The following GAPVD1 variants were observed in gnomAD, a reference collection of about 807,000 sequenced individuals.
The protein encoded by GAPVD1 is GTPase activating protein and VPS9 domains 1, also known as GTPase-activating protein and VPS9 domain-containing protein 1.
A neutral mutation model predicts 155.5 loss-of-function variants in GAPVD1; 35 were observed. The observed-to-expected ratio is 0.23, with a 90% CI of 0.17 to 0.30. The LOEUF (loss-of-function observed/expected upper bound fraction) is 0.30. Among genes scored for constraint, GAPVD1 ranks in the 10% least tolerant of loss-of-function variants. The pLI is 1.00. For synonymous variants in GAPVD1, 636 were observed against 619.7 expected (o/e 1.03, Z -0.39); for missense variants, 1,429 against 1,775.7 (o/e 0.80, Z 3.51).
At chr9:125,326,755 A>G (rs565617578) in intron 12 of GAPVD1, among the ~76,000 whole-genome samples, 166 bp downstream of exon 12, 4 of 151,916 alleles carry the variant, frequency 2.6e-5, no homozygotes, top group African/African-American at 9.7e-5. Flanking sequence ...TTTTTTCTTT[A>G]CTTAAATATA....
Position 125,262,632 on chromosome 9 carries a change from CT to C in GAPVD1, c.-199+674del, listed in dbSNP as rs201973468. 4.1e-3 allele frequency among the ~76,000 whole-genome samples: 618 copies of C among 152,230 alleles called. 29 individuals are homozygous for C. In the East Asian group the frequency reaches 0.096, roughly 24 times the overall value. Reference sequence around the variant, plus strand: ...ACATAGTGATAGGTTCAGATGAGAACTAGGTCAAAGGAGGAATCAGTGTTTT... The same window carrying C: ...ACATAGTGATAGGTTCAGATGAGAACAGGTCAAAGGAGGAATCAGTGTTTT... On this transcript the variant is annotated intron_variant, in intron 1 of 27. Transcript: ENST00000297933.
At chr9:125,300,206 G>T (rs1840655041) in intron 4 of GAPVD1, among the ~76,000 whole-genome samples, 1 of 142,668 alleles carries the variant, frequency 7.0e-6, no homozygotes, top group African/African-American at 2.6e-5. Context: ...TTTTGAGTTG[G>T]AGTCTCGCTC....
At chr9:125,332,670 TC>T (rs761871123) in intron 15 of GAPVD1, 41 bp downstream of exon 15, 71 of 1,575,682 alleles carry the variant, frequency 4.5e-5, no homozygotes, top group Non-Finnish European at 5.1e-5. Flanking sequence ...AATGACCACA[TC>T]CGTGGTTGAA....
chr9:125,279,502 C>A (rs919104323), intron 2 of GAPVD1, among the ~76,000 whole-genome samples: 1 of 145,822 alleles, frequency 6.9e-6, no homozygotes, highest in South Asian at 2.2e-4. Flanking sequence ...ACCCAGGAGG[C>A]GGAGGTTGCA....
intron 5 of GAPVD1, among the ~76,000 whole-genome samples, chr9:125,303,593 A>G (rs1172579242): frequency 6.6e-6 from 1 of 151,938 alleles, no homozygotes; most frequent in Non-Finnish European, 1.5e-5. Context: ...CCTGACCAAC[A>G]TGGAGAAACC....
At chr9:125,323,629 G>C (rs918703183) in intron 10 of GAPVD1, among the ~76,000 whole-genome samples, 169 bp from the exon 11 acceptor site, 1 of 152,050 alleles carries the variant, frequency 6.6e-6, no homozygotes, top group African/African-American at 2.4e-5. Context: ...TAGCACCTTA[G>C]GATAAATTCC....
At chr9:125,343,213 C>CTGAA in intron 19 of GAPVD1, among the ~76,000 whole-genome samples, 1 of 149,218 alleles carries the variant, frequency 6.7e-6, no homozygotes, top group East Asian at 2.0e-4. Flanking sequence ...TTTTTTTAAG[C>CTGAA]TCATCAGCTA....
chr9:125,348,956 A>C (rs1306056782), intron 20 of GAPVD1, among the ~76,000 whole-genome samples: 2 of 152,220 alleles, frequency 1.3e-5, no homozygotes, highest in African/African-American at 2.4e-5. Flanking sequence ...ACCCATAGTC[A>C]ACCTTGGCCA....
At chr9:125,321,342 G>A in intron 9 of GAPVD1, 91 bp from the exon 10 acceptor site, 2 of 842,228 alleles carry the variant, frequency 2.4e-6, no homozygotes, top group Non-Finnish European at 3.8e-6. Context: ...GATAATTTAA[G>A]ATTAAGGAGT....
chr9:125,332,069 G>A lies in GAPVD1; in HGVS notation c.2308+9G>A. 1 of 1,613,804 alleles carries A rather than the reference G, an allele frequency of 6.2e-7. No individual in the cohort carries two copies. The highest frequency in any genetic ancestry group is 1.1e-5 in the South Asian group (1 of 91,038). ...CCTCAGTGTTGTGTCCGGTATGTCTGTCTTGTTTTAAGGAGTAGGGATTTG... is the reference window on the plus strand; with the variant it reads ...CCTCAGTGTTGTGTCCGGTATGTCTATCTTGTTTTAAGGAGTAGGGATTTG... On this transcript the variant is annotated intron_variant, in intron 14 of 27. Coordinates refer to ENST00000297933, the MANE Select transcript of GAPVD1 (RefSeq NM_001282680.3).
At position 125,329,387 on chromosome 9, in the gene GAPVD1, A is replaced by G. The variant is rs183575658; in HGVS notation, c.2033-691A>G. On this transcript the variant is annotated intron_variant, in intron 12 of 27. Transcript: ENST00000297933. ...CAGTGTTTTTAATCTTTGTAGGGCTATAAATTTTAGAACGATATTAAGGAC... is the reference window on the plus strand; with the variant it reads ...CAGTGTTTTTAATCTTTGTAGGGCTGTAAATTTTAGAACGATATTAAGGAC... 2.6e-3 allele frequency among the ~76,000 whole-genome samples: 399 copies of G among 152,336 alleles called. 3 individuals carry two copies. The highest frequency in any genetic ancestry group is 5.2e-3 in the Admixed American group (79 of 15,296).
At chr9:125,361,195 C>T (rs768989271) in intron 27 of GAPVD1, among the ~76,000 whole-genome samples, 2 of 151,934 alleles carry the variant, frequency 1.3e-5, no homozygotes, top group South Asian at 2.1e-4. Context: ...TTAGGATTTT[C>T]GAAAGAAAGG....
chr9:125,272,614 T>C (rs570292507), intron 2 of GAPVD1, among the ~76,000 whole-genome samples: 6 of 152,240 alleles, frequency 3.9e-5, no homozygotes, highest in Non-Finnish European at 8.8e-5. Flanking sequence ...TTTGAAATTA[T>C]GAATTCCATA....
At chr9:125,313,326 CAG>C (rs1337965206) in intron 9 of GAPVD1, among the ~76,000 whole-genome samples, 2 of 138,878 alleles carry the variant, frequency 1.4e-5, no homozygotes, top group African/African-American at 2.7e-5. Flanking sequence ...TTTTTTGAGA[CAG>C]AGTCTCACTC....
At chr9:125,266,603 G>A (rs1319297224) in intron 1 of GAPVD1, among the ~76,000 whole-genome samples, 1 of 151,988 alleles carries the variant, frequency 6.6e-6, no homozygotes, top group African/African-American at 2.4e-5. Context: ...GTGAGCCACC[G>A]CGCGCAGCCC....
At chr9:125,291,988 T>C (rs1838679289) in intron 2 of GAPVD1, among the ~76,000 whole-genome samples, 1 of 152,246 alleles carries the variant, frequency 6.6e-6, no homozygotes, top group African/African-American at 2.4e-5. Context: ...ACACCTGTTA[T>C]CCCAGCACTT....
Position 125,323,754 on chromosome 9 carries a change from T to C in GAPVD1, c.1733-44T>C, listed in dbSNP as rs76944979. On this transcript the variant is annotated intron_variant, in intron 10 of 27. Coordinates refer to ENST00000297933, the MANE Select transcript of GAPVD1 (RefSeq NM_001282680.3). ...GCATGAAAAATTGTGTGGTGGCTCA[T>C]GACTGTTTTAAAAAGATTGCTCACA... 13,745 of 1,606,674 alleles carry C rather than the reference T, an allele frequency of 8.6e-3. 688 individuals carry two copies. The Admixed American group carries it at 0.11, about 13-fold the overall frequency.
At position 125,337,074 on chromosome 9, in the gene GAPVD1, G is replaced by A. The variant is rs778359398; in HGVS notation, c.2485G>A (p.Asp829Asn). Residue 829 changes from aspartate to asparagine, a missense_variant, in exon 16 of 28, where the codon GAT (aspartate) becomes AAT (asparagine). Around this residue, in one of 4 missense-constraint regions of GAPVD1, gnomAD observed 699 missense variants for 826.0 expected, o/e 0.85. Transcript: ENST00000297933. ...SQSESLLAMF[D>N]PLSSHEGASA... ...GTCAGAGTCTCTGCTGGCCATGTTT[G>A]ATCCACTGTCTTCACATGAAGGTAA... is the stretch of plus-strand genomic sequence containing the variant. The A allele has an allele frequency of 6.2e-7, 1 of 1,612,820 alleles. No individual in the cohort carries two copies. The highest frequency in any genetic ancestry group is 8.5e-7 in the Non-Finnish European group (1 of 1,178,836).
chr9:125,306,135 C>T (rs926429751), intron 6 of GAPVD1, among the ~76,000 whole-genome samples: 16 of 152,070 alleles, frequency 1.1e-4, no homozygotes, highest in Admixed American at 7.2e-4. Flanking sequence ...TCATTCCCTG[C>T]CCCCACAAAA....
Sources: allele counts gnomAD v4.1 joint callset (sites outside exome capture counted in the v4.1 genomes callset), GRCh38; gene constraint gnomAD v4.1.1; regional missense constraint gnomAD v4.1.1; transcripts MANE v1.5; gene names NCBI Gene and HGNC (gene_info 2026-07-23, HGNC 2026-07-21).